The following ITGB5 variants were observed in gnomAD, a reference collection of about 807,000 sequenced individuals.
ITGB5 encodes the protein integrin beta-5.
ITGB5 carries 38 observed loss-of-function variants against 84.8 expected under a neutral mutation model. The observed-to-expected ratio is 0.45, with a 90% CI of 0.35 to 0.59. The LOEUF is 0.59. ITGB5 is among the 20% of genes least tolerant of loss of function. The pLI is 0.01. For synonymous variants in ITGB5, 393 were observed against 414.4 expected (o/e 0.95, Z 0.63); for missense variants, 905 against 1,034.5 (o/e 0.87, Z 1.72).
chr3:124,776,447 A>C (rs1354098910), intron 10 of ITGB5, among the ~76,000 whole-genome samples: 2 of 152,208 alleles, frequency 1.3e-5, no homozygotes. Flanking sequence ...TTTGTTAGGA[A>C]AACTTCCAAA....
rs2064701269 is a variant in ITGB5, at chr3:124,821,373, C to A, written c.882G>T (p.Gln294His). ...TCAGGTGGCACTGGCCATCGTGTGG[C>A]TGCACCAGGCCTCCCAATTTTCCAT... is the stretch of plus-strand genomic sequence containing the variant. The part of the protein sequence containing the change: ...ALDGKLGGLV[Q>H]PHDGQCHLNE... The change falls in exon 6 of 15, where the codon CAG becomes CAT. Residue 294 changes from glutamine (Q) to histidine (H), a missense_variant. This residue lies in a region of ITGB5 where 656 missense variants were observed against 734.7 expected (regional missense o/e 0.89). Transcript: ENST00000296181. The A allele has an allele frequency of 1.2e-6, 2 of 1,614,232 alleles. No individual in the cohort carries two copies. Among genetic ancestry groups the A allele is most frequent in the African/African-American group, 1.3e-5 (1 of 75,066 alleles).
intron 5 of ITGB5, among the ~76,000 whole-genome samples, chr3:124,824,948 C>A (rs1382561173): frequency 2.0e-5 from 3 of 152,104 alleles, no homozygotes; most frequent in Non-Finnish European, 4.4e-5. Context: ...CCTGTAATCC[C>A]AGCACTTTGG....
chr3:124,858,053 G>A (rs1007353094), intron 3 of ITGB5, among the ~76,000 whole-genome samples: 2 of 150,664 alleles, frequency 1.3e-5, no homozygotes, highest in African/African-American at 4.9e-5. Flanking sequence ...AGAATCTCTT[G>A]AACCCGGGAG....
At chr3:124,826,607 G>A (rs935622706) in intron 5 of ITGB5, among the ~76,000 whole-genome samples, 5 of 152,116 alleles carry the variant, frequency 3.3e-5, no homozygotes, top group African/African-American at 1.2e-4. Context: ...AACTAGCAAG[G>A]GCCAGAGAAG....
chr3:124,851,643 G>GCA (rs909081819), intron 3 of ITGB5, among the ~76,000 whole-genome samples: 2 of 100,898 alleles, frequency 2.0e-5, no homozygotes, highest in African/African-American at 3.3e-5. Context: ...ACACACACAC[G>GCA]CACACATCCC....
intron 1 of ITGB5, among the ~76,000 whole-genome samples, chr3:124,895,470 C>T (rs9869147): frequency 0.43 from 65,958 of 152,042 alleles, 14,546 homozygotes; most frequent in East Asian, 0.66. Context: ...AGCAATCCTC[C>T]TGCCCCTGGC....
At position 124,763,710 on chromosome 3, in the gene ITGB5, A is replaced by G. The variant is rs372354945; in HGVS notation, c.2313T>C (p.Asn771=). 8.1e-6 allele frequency: 13 copies of G among 1,600,510 alleles called. No individual in the cohort carries two copies. The highest frequency in any genetic ancestry group is 1.1e-5 in the Non-Finnish European group (13 of 1,167,894). ...RSRARYEMAS[N]PLYRKPISTH... Reference sequence around the variant, plus strand: ...TGGAGATAGGCTTTCTGTATAATGGATTTGAAGCCTACAGAACACGGCGGG... The same window carrying G: ...TGGAGATAGGCTTTCTGTATAATGGGTTTGAAGCCTACAGAACACGGCGGG... Residue 771 remains asparagine, a synonymous_variant, in exon 15 of 15, where the codon AAT becomes AAC. Transcript: ENST00000296181.
rs369730524 is a variant in ITGB5, at chr3:124,808,103, C to T, written c.1263+919G>A. Reference sequence around the variant, plus strand: ...ACTGCTACCAGCCACGAGACTGTCCCTGTCTCCGCAAGCTCTTTCCCTGAA... The same window carrying T: ...ACTGCTACCAGCCACGAGACTGTCCTTGTCTCCGCAAGCTCTTTCCCTGAA... On this transcript the variant is annotated intron_variant, in intron 9 of 14. Coordinates refer to ENST00000296181, the MANE Select transcript of ITGB5 (RefSeq NM_002213.5). Among the ~76,000 whole-genome samples the T allele has an allele frequency of 2.6e-4, 40 of 152,192 alleles. 1 individual carries two copies. The East Asian group carries it at 7.7e-3, about 29-fold the overall frequency.
At chr3:124,822,153 A>G (rs1306447433) in intron 5 of ITGB5, among the ~76,000 whole-genome samples, 1 of 152,182 alleles carries the variant, frequency 6.6e-6, no homozygotes, top group African/African-American at 2.4e-5. Flanking sequence ...AGCTGAATAC[A>G]GTCTGTATTG....
intron 1 of ITGB5, among the ~76,000 whole-genome samples, chr3:124,898,665 A>AAAAAAAAAG (rs1935159352): frequency 6.8e-6 from 1 of 146,224 alleles, no homozygotes; most frequent in African/African-American, 2.5e-5. Flanking sequence ...AAAAAAAAAA[A>AAAAAAAAAG]AAAAAGAAAA....
At chr3:124,866,211 G>A (rs187788259) in intron 2 of ITGB5, among the ~76,000 whole-genome samples, 236 of 145,208 alleles carry the variant, frequency 1.6e-3, no homozygotes, top group African/African-American at 6.3e-3. Context: ...TTGAACTCCT[G>A]AGTTCAAGTG....
At chr3:124,798,637 G>A (rs1204260307) in intron 9 of ITGB5, among the ~76,000 whole-genome samples, 1 of 152,158 alleles carries the variant, frequency 6.6e-6, no homozygotes, top group East Asian at 1.9e-4. Flanking sequence ...TGTTGGCCAG[G>A]CTGGTCTCAA....
At chr3:124,896,996 G>A (rs141937301) in intron 1 of ITGB5, among the ~76,000 whole-genome samples, 1 of 152,038 alleles carries the variant, frequency 6.6e-6, no homozygotes, top group Non-Finnish European at 1.5e-5. Flanking sequence ...GTATACTGAA[G>A]TAGACCAGGA....
rs186825124 is a variant in ITGB5 at position 124,786,621 on chromosome 3, G to A, written c.1693+9767C>T. On this transcript the variant is annotated intron_variant, in intron 10 of 14. Transcript: ENST00000296181. ...GAGAACAACAGTCAGAGCCCAGGAG[G>A]GAGCCCTGGAAAGAGGAAGGAAACC... Among the ~76,000 whole-genome samples the A allele has an allele frequency of 6.6e-5, 10 of 152,202 alleles. No homozygotes were observed. In the East Asian group the frequency reaches 1.7e-3, roughly 26 times the overall value.
intron 10 of ITGB5, among the ~76,000 whole-genome samples, chr3:124,781,880 C>T (rs1212944765): frequency 6.6e-6 from 1 of 152,302 alleles, no homozygotes; most frequent in South Asian, 2.1e-4. Flanking sequence ...GCAGTGCTGC[C>T]GTGCAACCTC....
At chr3:124,780,681 A>G (rs1166992520) in intron 10 of ITGB5, 8 of 126,532 alleles carry the variant, frequency 6.3e-5, no homozygotes, top group East Asian at 4.8e-4. Flanking sequence ...ACCTCCTCTC[A>G]TCGTCTCATC....
intron 10 of ITGB5, among the ~76,000 whole-genome samples, chr3:124,790,506 G>GGGTTATCAGAACCGCCTTTGACTAGACAT (rs1331095435): frequency 2.1e-5 from 3 of 145,944 alleles, no homozygotes; most frequent in East Asian, 1.9e-4. Context: ...TGACTAGACA[G>GGGTTATCAGAACCGCCTTTGACTAGACAT]GGTTATCAGA....
upstream of ITGB5, among the ~76,000 whole-genome samples, chr3:124,889,689 G>A (rs1248219840): frequency 6.6e-6 from 1 of 152,198 alleles, no homozygotes; most frequent in Admixed American, 6.5e-5. Context: ...TGGCCTTGGA[G>A]CTACTCTTAT....
intron 1 of ITGB5, among the ~76,000 whole-genome samples, chr3:124,899,889 A>AGCAG (rs1935184552): frequency 7.0e-6 from 1 of 142,302 alleles, no homozygotes; most frequent in African/African-American, 2.5e-5. Context: ...AAAAAGCAGC[A>AGCAG]GCAGGCATGT....
Sources: gnomAD v4.1 joint callset for allele counts (sites outside exome capture counted in the v4.1 genomes callset) on GRCh38, gnomAD v4.1.1 for gene constraint, gnomAD v4.1.1 regional missense constraint, MANE v1.5 for transcripts, NCBI Gene and HGNC (gene_info 2026-07-23, HGNC 2026-07-21) for gene names.